Variants in ROBO2 observed in about 807,000 individuals in gnomAD.
The protein encoded by ROBO2 is roundabout homolog 2.
ROBO2 carries 53 observed loss-of-function variants against 160.8 expected under a neutral mutation model. That is an observed-to-expected ratio of 0.33 (90% CI 0.26 to 0.41). The LOEUF (loss-of-function observed/expected upper bound fraction) is 0.41, where lower values mean the gene tolerates loss of function less well. ROBO2 is among the 10% of genes least tolerant of loss of function. The probability of loss-of-function intolerance (pLI) is 1.00; values close to 1 mark genes in which losing one functional copy is unlikely to be tolerated. For synonymous variants in ROBO2, 664 were observed against 611.7 expected, an observed-to-expected ratio of 1.09 and a Z score of -1.26; for missense variants, 1,577 against 1,722.4, an observed-to-expected ratio of 0.92 and a Z score of 1.49.
intron 2 of ROBO2, among the ~76,000 whole-genome samples, chr3:76,829,543 C>T (rs2066887036): frequency 6.6e-6 from 1 of 152,022 alleles, no homozygotes; most frequent in Non-Finnish European, 1.5e-5. Flanking sequence ...CCTCATTTTC[C>T]TTCCTTATCT....
chr3:76,148,882 A>G (rs557135675), intron 2 of ROBO2, among the ~76,000 whole-genome samples: 6 of 151,926 alleles, frequency 3.9e-5, no homozygotes, highest in South Asian at 2.1e-4. Context: ...TCACTATTCC[A>G]TCTATAGTTA....
chr3:77,553,551 G>A (rs1340232770), intron 8 of ROBO2, among the ~76,000 whole-genome samples: 1 of 151,932 alleles, frequency 6.6e-6, no homozygotes, highest in Non-Finnish European at 1.5e-5. Flanking sequence ...TAAACAGTTA[G>A]CAAAGTTATG....
At chr3:76,573,705 G>A (rs964368802) in intron 2 of ROBO2, among the ~76,000 whole-genome samples, 1 of 151,660 alleles carries the variant, frequency 6.6e-6, no homozygotes, top group African/African-American at 2.4e-5. Flanking sequence ...CTTTGATGAG[G>A]GCTCATCATA....
At chr3:77,136,546 A>T (rs1036042558) in intron 2 of ROBO2, among the ~76,000 whole-genome samples, 1 of 144,712 alleles carries the variant, frequency 6.9e-6, no homozygotes, top group African/African-American at 2.6e-5. Flanking sequence ...ACTGGAATGA[A>T]GTAGTGCAGC....
At chr3:76,448,233 AT>A (rs1219723565) in intron 2 of ROBO2, among the ~76,000 whole-genome samples, 5 of 152,104 alleles carry the variant, frequency 3.3e-5, no homozygotes, top group Admixed American at 1.3e-4. Flanking sequence ...AAGGTAGCAA[AT>A]TTAAACTAAT....
intron 2 of ROBO2, among the ~76,000 whole-genome samples, chr3:77,469,882 C>T (rs2153579133): frequency 6.6e-6 from 1 of 152,310 alleles, no homozygotes; most frequent in Non-Finnish European, 1.5e-5. Context: ...ATTTGGTTAA[C>T]TTTTCTGATA....
At chr3:77,155,170 G>C (rs2077895721) in intron 2 of ROBO2, among the ~76,000 whole-genome samples, 1 of 152,048 alleles carries the variant, frequency 6.6e-6, no homozygotes. Context: ...AGGAAGGCAG[G>C]ATAATGGTCC....
At chr3:76,622,326 G>C (rs915606107) in intron 2 of ROBO2, among the ~76,000 whole-genome samples, 1 of 150,270 alleles carries the variant, frequency 6.7e-6, no homozygotes, top group Admixed American at 6.6e-5. Flanking sequence ...ATAGCCAGGT[G>C]TAGTGGTGCA....
At chr3:77,598,582 C>G (rs1403847) in intron 19 of ROBO2, among the ~76,000 whole-genome samples, 111,910 of 148,500 alleles carry the variant, frequency 0.75, 42,465 homozygotes, top group African/African-American at 0.82. Flanking sequence ...GGCATCAGTG[C>G]AGTGAGTGAG....
chr3:77,415,215 T>A (rs1463960069), intron 2 of ROBO2, among the ~76,000 whole-genome samples: 1 of 152,156 alleles, frequency 6.6e-6, no homozygotes, highest in African/African-American at 2.4e-5. Context: ...CTGGGAGGTG[T>A]AGAGAAGCAA....
chr3:76,961,327 A>G (rs979830263), intron 2 of ROBO2, among the ~76,000 whole-genome samples: 10 of 151,530 alleles, frequency 6.6e-5, no homozygotes, highest in Non-Finnish European at 1.2e-4. Context: ...AATCCAATAT[A>G]TAATAGGTAA....
intron 2 of ROBO2, among the ~76,000 whole-genome samples, chr3:77,424,289 G>C (rs2077979096): frequency 6.6e-6 from 1 of 152,124 alleles, no homozygotes; most frequent in South Asian, 2.1e-4. Flanking sequence ...GGGAGAATGT[G>C]AGTAGGATGG....
upstream of ROBO2, chr3:77,039,817 G>A (rs1469934419): frequency 2.0e-5 from 3 of 151,928 alleles, no homozygotes; most frequent in East Asian, 5.9e-4. Context: ...CCTCCTAGAA[G>A]TCCTTCCACC....
At chr3:76,860,649 A>G (rs928123797) in intron 2 of ROBO2, among the ~76,000 whole-genome samples, 11 of 152,078 alleles carry the variant, frequency 7.2e-5, no homozygotes, top group African/African-American at 2.7e-4. Context: ...TTGTCTGCCA[A>G]CCTTTCTTGC....
intron 2 of ROBO2, among the ~76,000 whole-genome samples, chr3:76,279,787 G>A (rs1010819699): frequency 6.6e-6 from 1 of 151,872 alleles, no homozygotes; most frequent in Non-Finnish European, 1.5e-5. Flanking sequence ...AAAGAAATAA[G>A]ATGAAAACAA....
intron 2 of ROBO2, among the ~76,000 whole-genome samples, chr3:77,202,850 C>T (rs2083043045): frequency 6.6e-6 from 1 of 152,214 alleles, no homozygotes; most frequent in African/African-American, 2.4e-5. Context: ...CTCAAGATCA[C>T]ATGACCAAGT....
chr3:76,973,103 A>C (rs1450582781), intron 2 of ROBO2, among the ~76,000 whole-genome samples: 1 of 152,188 alleles, frequency 6.6e-6, no homozygotes, highest in African/African-American at 2.4e-5. Context: ...GGGCCTACGT[A>C]AACAGAGGCC....
intron 2 of ROBO2, among the ~76,000 whole-genome samples, chr3:76,863,726 T>C (rs983359667): frequency 3.9e-5 from 6 of 152,064 alleles, no homozygotes; most frequent in African/African-American, 1.2e-4. Flanking sequence ...GCTAGCCATA[T>C]GAAATTAAAT....
chr3:76,358,877 T>C (rs2075334889), intron 2 of ROBO2, among the ~76,000 whole-genome samples: 1 of 150,946 alleles, frequency 6.6e-6, no homozygotes. Flanking sequence ...ACCCATTAAC[T>C]CGTCATTTAG....
Sources: allele counts gnomAD v4.1 joint callset (sites outside exome capture counted in the v4.1 genomes callset), GRCh38; gene constraint gnomAD v4.1.1; transcripts MANE v1.5; gene names NCBI Gene and HGNC (gene_info 2026-07-23, HGNC 2026-07-21).